Variants in KLHL29 observed in about 807,000 individuals in gnomAD.
KLHL29 encodes the protein kelch-like protein 29.
In KLHL29, 21 loss-of-function variants were observed where a neutral mutation model predicts 80.4. The observed-to-expected ratio is 0.26, with a 90% CI of 0.19 to 0.38. The LOEUF is 0.38. KLHL29 is among the 10% of genes least tolerant of loss of function. KLHL29 has a pLI of 1.00. For missense variants in KLHL29, 867 were observed against 1,223.9 expected, an observed-to-expected ratio of 0.71 and a Z score of 4.35; for synonymous variants, 511 against 526.8, an observed-to-expected ratio of 0.97 and a Z score of 0.41.
intron 1 of KLHL29, among the ~76,000 whole-genome samples, chr2:23,463,239 TGG>T: frequency 6.6e-6 from 1 of 151,960 alleles, no homozygotes; most frequent in Non-Finnish European, 1.5e-5. Flanking sequence ...TTTTTTCATT[TGG>T]TTTATAGGTA....
At chr2:23,511,308 A>T (rs1354631420) in intron 2 of KLHL29, among the ~76,000 whole-genome samples, 1 of 152,230 alleles carries the variant, frequency 6.6e-6, no homozygotes, top group Admixed American at 6.5e-5. Flanking sequence ...GGTACAGCAC[A>T]GCCTCACCTT....
intron 11 of KLHL29, among the ~76,000 whole-genome samples, chr2:23,698,211 C>A (rs1672103731): frequency 1.3e-5 from 2 of 152,168 alleles, no homozygotes; most frequent in South Asian, 4.1e-4. Context: ...CCCCGGGAAC[C>A]CCAAGAGATG....
At chr2:23,641,008 C>T (rs536934394) in intron 4 of KLHL29, among the ~76,000 whole-genome samples, 1 of 152,248 alleles carries the variant, frequency 6.6e-6, no homozygotes, top group African/African-American at 2.4e-5. Flanking sequence ...TGAGTGGCCC[C>T]CTGCCCCCTA....
intron 3 of KLHL29, among the ~76,000 whole-genome samples, chr2:23,583,684 C>T (rs1431697676): frequency 6.6e-6 from 1 of 152,156 alleles, no homozygotes; most frequent in Non-Finnish European, 1.5e-5. Context: ...GGGACTCTTA[C>T]GTAGCTGGAG....
rs140023143 is a variant in KLHL29 at position 23,682,680 on chromosome 2, A to G, written c.941-1719A>G. Among the ~76,000 whole-genome samples the G allele has an allele frequency of 0.033, 4,824 of 147,406 alleles. 100 individuals carry two copies. The highest frequency in any genetic ancestry group is 0.089 in the South Asian group (413 of 4,648). ...CCCCCTCGTGCTCCTGCACCCTCCC[A>G]CACCCTCCCGCACCCTCCCGCGCCC... On this transcript the variant is annotated intron_variant, in intron 5 of 13. Transcript: ENST00000486442. This position sits in a 1 kb window ranked among gnomAD's most constrained non-coding sequence, Gnocchi z 4.1.
intron 3 of KLHL29, among the ~76,000 whole-genome samples, chr2:23,586,696 C>T (rs758888602): frequency 6.6e-6 from 1 of 152,174 alleles, no homozygotes; most frequent in African/African-American, 2.4e-5. Context: ...GGGGGATGAC[C>T]TCAGGAAACG....
At chr2:23,694,449 T>C (rs1339505119) in intron 8 of KLHL29, among the ~76,000 whole-genome samples, 1 of 152,100 alleles carries the variant, frequency 6.6e-6, no homozygotes. Flanking sequence ...CCAAATCCAT[T>C]TTCCACCCTC....
intron 5 of KLHL29, 54 bp downstream of exon 5, chr2:23,642,904 G>A (rs377640236): frequency 4.9e-5 from 75 of 1,540,976 alleles, no homozygotes; most frequent in African/African-American, 2.1e-4. Flanking sequence ...ACCTCCCTGC[G>A]CGGTCACTGC....
chr2:23,507,644 A>G (rs1399028505), intron 2 of KLHL29, among the ~76,000 whole-genome samples: 2 of 152,158 alleles, frequency 1.3e-5, no homozygotes, highest in African/African-American at 4.8e-5. Context: ...ACTCAAGCCT[A>G]GATAGGGACC....
chr2:23,553,816 C>T (rs186419583), intron 2 of KLHL29, among the ~76,000 whole-genome samples: 136 of 152,284 alleles, frequency 8.9e-4, no homozygotes, highest in African/African-American at 3.2e-3. Context: ...GCCCTGTGCT[C>T]GGGCAGCTCC....
intron 2 of KLHL29, among the ~76,000 whole-genome samples, chr2:23,532,266 T>C (rs1037595286): frequency 6.6e-6 from 1 of 152,236 alleles, no homozygotes; most frequent in Non-Finnish European, 1.5e-5. Flanking sequence ...ATGAAGTGCA[T>C]TGTAAAATTT....
intron 1 of KLHL29, among the ~76,000 whole-genome samples, chr2:23,441,142 T>C (rs987733684): frequency 4.6e-5 from 7 of 152,242 alleles, no homozygotes; most frequent in Admixed American, 2.6e-4. Flanking sequence ...TGGAATACTA[T>C]GCAGCCATAA....
intron 5 of KLHL29, 158 bp downstream of exon 5, chr2:23,643,008 C>T (rs1409443892): frequency 1.1e-5 from 10 of 884,854 alleles, no homozygotes; most frequent in Admixed American, 2.0e-5. Flanking sequence ...CCCAAGACAA[C>T]TGGCCTGAGA....
At chr2:23,600,068 A>G (rs181566204) in intron 3 of KLHL29, among the ~76,000 whole-genome samples, 71 of 152,352 alleles carry the variant, frequency 4.7e-4, no homozygotes, top group African/African-American at 1.5e-3. Flanking sequence ...GGAAGAGGAC[A>G]TGTATCCGCA....
intron 2 of KLHL29, among the ~76,000 whole-genome samples, chr2:23,501,031 G>A (rs1665421522): frequency 1.3e-5 from 2 of 152,178 alleles, no homozygotes; most frequent in Non-Finnish European, 2.9e-5. Flanking sequence ...CTGGAGAGCT[G>A]ACGAGCAGCT....
chr2:23,579,078 G>GGTT (rs1667917336), intron 3 of KLHL29, among the ~76,000 whole-genome samples: 1 of 152,140 alleles, frequency 6.6e-6, no homozygotes, highest in Non-Finnish European at 1.5e-5. Context: ...TTGTGGTTAT[G>GGTT]GTTGTTTTTG....
At chr2:23,580,137 G>T (rs1667944209) in intron 3 of KLHL29, among the ~76,000 whole-genome samples, 1 of 152,196 alleles carries the variant, frequency 6.6e-6, no homozygotes, top group Non-Finnish European at 1.5e-5. Flanking sequence ...TTGGGAAGCT[G>T]AGGCGGGCCG....
chr2:23,470,832 G>T (rs1456870898), intron 1 of KLHL29, among the ~76,000 whole-genome samples: 3 of 152,298 alleles, frequency 2.0e-5, no homozygotes, highest in Admixed American at 6.5e-5. Context: ...GTGCCTTCCG[G>T]ACCCCGGCTC....
At chr2:23,515,912 C>T (rs1459105633) in intron 2 of KLHL29, among the ~76,000 whole-genome samples, 2 of 152,148 alleles carry the variant, frequency 1.3e-5, no homozygotes, top group Non-Finnish European at 2.9e-5. Flanking sequence ...CCTGGTCTGC[C>T]GTGTTGATTG....
Sources: gnomAD v4.1 joint callset for allele counts (sites outside exome capture counted in the v4.1 genomes callset) on GRCh38, gnomAD v4.1.1 for gene constraint, Gnocchi (gnomAD v3.1) non-coding constraint, MANE v1.5 for transcripts, NCBI Gene and HGNC (gene_info 2026-07-23, HGNC 2026-07-21) for gene names.